The following MYO10 variants were observed in gnomAD, a reference collection of about 807,000 sequenced individuals.
MYO10 encodes the protein unconventional myosin-X.
A neutral mutation model predicts 257.3 loss-of-function variants in MYO10; 133 were observed. That is an observed-to-expected ratio of 0.52 (90% CI 0.45 to 0.60). MYO10 has a LOEUF of 0.60. Among genes scored for constraint, MYO10 ranks in the 20% least tolerant of loss-of-function variants. The probability of loss-of-function intolerance (pLI) is 0.00; values close to 1 mark genes in which losing one functional copy is unlikely to be tolerated. For synonymous variants in MYO10, 1,104 were observed against 1,028.6 expected (o/e 1.07, Z -1.40); for missense variants, 2,399 against 2,635.7 (o/e 0.91, Z 1.97).
intron 2 of MYO10, among the ~76,000 whole-genome samples, chr5:16,853,363 G>T (rs1743867624): frequency 6.8e-6 from 1 of 147,414 alleles, no homozygotes; most frequent in African/African-American, 2.5e-5. Context: ...GACAGAGTGA[G>T]ACTCCGTCTC....
intron 4 of MYO10, among the ~76,000 whole-genome samples, chr5:16,790,141 C>G (rs1741710029): frequency 6.6e-6 from 1 of 151,878 alleles, no homozygotes; most frequent in Non-Finnish European, 1.5e-5. Context: ...TAGAAAAAGA[C>G]CAAACACTCA....
rs550821213 is a variant in MYO10, at chr5:16,847,040, C to T, written c.121-28873G>A. Among the ~76,000 whole-genome samples the T allele has an allele frequency of 5.3e-5, 8 of 152,226 alleles. No homozygotes were observed. In the South Asian group the frequency reaches 1.7e-3, roughly 32 times the overall value. ...GGTTACGGCACAAGAATCACTTGAA[C>T]CCAGAAGACAGAGATTGCAGTAAGC... is the stretch of plus-strand genomic sequence containing the variant. On this transcript the variant is annotated intron_variant, in intron 2 of 40. Coordinates refer to ENST00000513610, the MANE Select transcript of MYO10 (RefSeq NM_012334.3).
chr5:16,771,410 A>G (rs1235563644), intron 9 of MYO10, among the ~76,000 whole-genome samples: 4 of 151,844 alleles, frequency 2.6e-5, no homozygotes, highest in Non-Finnish European at 4.4e-5. Context: ...TAATATGTAT[A>G]TAATACTAGA....
chr5:16,822,606 C>T lies in MYO10; in HGVS notation c.121-4439G>A, dbSNP rs566949684. 1.3e-4 allele frequency among the ~76,000 whole-genome samples: 19 copies of T among 151,976 alleles called. No individual in the cohort carries two copies. In the East Asian group the frequency reaches 1.7e-3, roughly 14 times the overall value. On this transcript the variant is annotated intron_variant, in intron 2 of 40. Coordinates refer to ENST00000513610, the MANE Select transcript of MYO10 (RefSeq NM_012334.3). ...GGTGAGAAACAGAACCAGCGCCCTG[C>T]GTTCTAGTATCTTAATACATTATTG...
chr5:16,877,542 T>G, intron 2 of MYO10, 67 bp downstream of exon 2: 3 of 1,289,302 alleles, frequency 2.3e-6, no homozygotes, highest in Non-Finnish European at 3.4e-6. Flanking sequence ...CAAGCACACA[T>G]GCCCTGGGCA....
At chr5:16,808,400 G>A (rs980979218) in intron 3 of MYO10, among the ~76,000 whole-genome samples, 1 of 152,174 alleles carries the variant, frequency 6.6e-6, no homozygotes, top group Admixed American at 6.5e-5. Flanking sequence ...TTGAGCCCAG[G>A]AGTTGGAGGC....
At chr5:16,819,839 A>G (rs558344092) in intron 2 of MYO10, among the ~76,000 whole-genome samples, 14 of 152,372 alleles carry the variant, frequency 9.2e-5, no homozygotes, top group Middle Eastern at 6.8e-3. Flanking sequence ...CTAGAGAAAA[A>G]TTACAACTTC....
At chr5:16,823,958 A>T (rs979506710) in intron 2 of MYO10, among the ~76,000 whole-genome samples, 1 of 152,174 alleles carries the variant, frequency 6.6e-6, no homozygotes, top group Non-Finnish European at 1.5e-5. Context: ...ACAGACAAGA[A>T]ATCCACTTGG....
chr5:16,742,038 T>A (rs1324259666), intron 19 of MYO10: 1 of 985,282 alleles, frequency 1.0e-6, no homozygotes, highest in East Asian at 1.1e-4. Flanking sequence ...TGAAGACACT[T>A]TTGACTGCAG....
At chr5:16,774,573 C>G (rs1372475649) in intron 9 of MYO10, among the ~76,000 whole-genome samples, 1 of 151,964 alleles carries the variant, frequency 6.6e-6, no homozygotes, top group Non-Finnish European at 1.5e-5. Context: ...AGGCGCCCAC[C>G]ACCACACCCG....
At position 16,764,375 on chromosome 5, in the gene MYO10, G is replaced by A; in HGVS notation, c.1201C>T (p.Leu401=). The A allele has an allele frequency of 6.2e-7, 1 of 1,613,908 alleles. No homozygotes were observed. The highest frequency in any genetic ancestry group is 2.2e-5 in the East Asian group (1 of 44,850). Residue 401 remains leucine (L), a synonymous_variant, in exon 12 of 41, where the codon CTG becomes TTG. Coordinates refer to ENST00000513610, the MANE Select transcript of MYO10 (RefSeq NM_012334.3). ...CAGCACGCATACAGAGCCATGGCCA[G>A]GGAGTCCCTGCTGTCTACTGCCTGT... ...VQQAVDSRDS[L]AMALYACCFE...
At chr5:16,869,948 G>GA (rs1469364109) in intron 2 of MYO10, among the ~76,000 whole-genome samples, 3 of 139,002 alleles carry the variant, frequency 2.2e-5, no homozygotes, top group African/African-American at 8.0e-5. Flanking sequence ...AGGGGGAGGG[G>GA]AAAAAAGAAA....
chr5:16,899,884 G>A (rs935940522), intron 1 of MYO10, among the ~76,000 whole-genome samples: 2 of 151,146 alleles, frequency 1.3e-5, no homozygotes, highest in South Asian at 4.2e-4. Flanking sequence ...TGTAATCCCA[G>A]CTACTTGGGA....
At chr5:16,768,940 T>C in intron 10 of MYO10, 134 bp downstream of exon 10, 1 of 1,135,664 alleles carries the variant, frequency 8.8e-7, no homozygotes, top group South Asian at 1.9e-5. Context: ...CCTCCCAAAG[T>C]GCTGGGGTTA....
chr5:16,719,808 A>G (rs1055457368), intron 19 of MYO10, among the ~76,000 whole-genome samples: 5 of 152,170 alleles, frequency 3.3e-5, no homozygotes, highest in Non-Finnish European at 5.9e-5. Flanking sequence ...TACTAAAAAT[A>G]TAAAAATTAG....
chr5:16,673,491 A>AAT (rs1287140292), intron 36 of MYO10, among the ~76,000 whole-genome samples, 191 bp downstream of exon 36: 2 of 152,214 alleles, frequency 1.3e-5, no homozygotes, highest in Non-Finnish European at 2.9e-5. Flanking sequence ...GTTTCCACTC[A>AAT]ATATATATAT....
chr5:16,684,115 C>A (rs557618346), intron 29 of MYO10, among the ~76,000 whole-genome samples, 180 bp from the exon 30 acceptor site: 1 of 152,158 alleles, frequency 6.6e-6, no homozygotes, highest in Non-Finnish European at 1.5e-5. Context: ...AGCCTCTACA[C>A]GGAGCAGAAT....
intron 1 of MYO10, among the ~76,000 whole-genome samples, chr5:16,893,243 C>T (rs1745119882): frequency 7.3e-6 from 1 of 136,258 alleles, no homozygotes; most frequent in Non-Finnish European, 1.6e-5. Context: ...CTACCCCCAA[C>T]AGAAAAGCGA....
chr5:16,871,710 A>G (rs1744460651), intron 2 of MYO10, among the ~76,000 whole-genome samples: 1 of 152,152 alleles, frequency 6.6e-6, no homozygotes, highest in Admixed American at 6.6e-5. Context: ...CGATTCCTGC[A>G]TGTTCCACAG....
Sources: gnomAD v4.1 joint callset for allele counts (sites outside exome capture counted in the v4.1 genomes callset) on GRCh38, gnomAD v4.1.1 for gene constraint, MANE v1.5 for transcripts, NCBI Gene and HGNC (gene_info 2026-07-23, HGNC 2026-07-21) for gene names.